The following EOMES variants were observed in gnomAD, a reference collection of about 807,000 sequenced individuals.
EOMES encodes eomesodermin.
A neutral mutation model predicts 61.0 loss-of-function variants in EOMES; 18 were observed. The observed-to-expected ratio is 0.30, with a 90% CI of 0.20 to 0.44. The LOEUF is 0.44. Among genes scored for constraint, EOMES ranks in the 20% least tolerant of loss-of-function variants. The pLI is 1.00. For synonymous variants in EOMES, 430 were observed against 394.0 expected (o/e 1.09, Z -1.08); for missense variants, 885 against 939.2 (o/e 0.94, Z 0.75).
Position 27,717,006 on chromosome 3 carries a change from A to G in EOMES, c.*64T>C, listed in dbSNP as rs2060573244. ...TTTTGGCAACCTAGGCAAAGAAGAC[A>G]ACAAAAAACACCACCAAGTCCATCT... On this transcript the variant is annotated 3_prime_UTR_variant, in exon 6 of 6. Transcript: ENST00000449599. This position sits in a 1 kb window ranked among gnomAD's most constrained non-coding sequence, Gnocchi z 4.5. 2 of 1,334,280 alleles carry G rather than the reference A, an allele frequency of 1.5e-6. No individual in the cohort carries two copies. The highest frequency in any genetic ancestry group is 1.0e-6 in the Non-Finnish European group (1 of 969,418). 82.7% of individuals were successfully genotyped at this position (1,334,280 alleles called of 1,614,324 possible). A position where few individuals can be genotyped will look rare whatever the true frequency, so the allele number is the denominator to read the frequency against.
At position 27,717,025 on chromosome 3, in the gene EOMES, T is replaced by C; in HGVS notation, c.*45A>G. 1 of 1,501,312 alleles carries C rather than the reference T, an allele frequency of 6.7e-7. No individual in the cohort carries two copies. Among genetic ancestry groups the C allele is most frequent in the Non-Finnish European group, 9.0e-7 (1 of 1,110,986 alleles). 93.0% of individuals were successfully genotyped at this position (1,501,312 alleles called of 1,614,324 possible). A position where few individuals can be genotyped will look rare whatever the true frequency, so the allele number is the denominator to read the frequency against. On this transcript the variant is annotated 3_prime_UTR_variant, in exon 6 of 6. Coordinates refer to ENST00000449599, the MANE Select transcript of EOMES (RefSeq NM_001278182.2). This position sits in a 1 kb window ranked among gnomAD's most constrained non-coding sequence, Gnocchi z 4.5. Reference sequence around the variant, plus strand: ...GAAGACAACAAAAAACACCACCAAGTCCATCTGCAAAAAGTTAGCTAATTT... The same window carrying C: ...GAAGACAACAAAAAACACCACCAAGCCCATCTGCAAAAAGTTAGCTAATTT...
chr3:27,718,533 A>T, intron 5 of EOMES, 54 bp downstream of exon 5: 2 of 1,139,720 alleles, frequency 1.8e-6, no homozygotes, highest in Non-Finnish European at 2.6e-6. Flanking sequence ...GTGCCTGTTG[A>T]TGTATGTCCT....
At position 27,717,657 on chromosome 3, in the gene EOMES, CA is replaced by C; in HGVS notation, c.1530del (p.Asn510LysfsTer41). On this transcript the variant is annotated frameshift_variant, in exon 6 of 6. Coordinates refer to ENST00000449599, the MANE Select transcript of EOMES (RefSeq NM_001278182.2). LOFTEE classifies it high-confidence loss of function. The surrounding 1 kb of genome is among the most constrained non-coding windows in gnomAD (Gnocchi z 4.5). Reference protein sequence around the residue: ...VNTLPQARYYNGERTVPQTNG... With the variant: ...VNTLPQARYYXGERTVPQTNG... ...TTGGTCTGTGGCACGGTTCTCTCGC[CA>C]TTATAATAGCGGGCTTGAGGTAAAG... 6.2e-7 allele frequency: 1 copy of C among 1,613,956 alleles called. No homozygotes were observed. The highest frequency in any genetic ancestry group is 8.5e-7 in the Non-Finnish European group (1 of 1,179,984).
In EOMES at chr3:27,722,042, C is replaced by A. The variant is rs1259384841; in HGVS notation, c.253G>T (p.Ala85Ser). The A allele has an allele frequency of 2.0e-6, 3 of 1,532,120 alleles. No individual in the cohort carries two copies. Among genetic ancestry groups the A allele is most frequent in the South Asian group, 1.2e-5 (1 of 82,374 alleles). The allele number at this position is 1,532,120 out of a possible 1,614,324, so 94.9% of individuals were successfully genotyped here. A position where few individuals can be genotyped will look rare whatever the true frequency, so the allele number is the denominator to read the frequency against. Residue 85 changes from alanine (A) to serine (S), a missense_variant, in exon 1 of 6, where the codon GCC becomes TCC. Physicochemically the swap from Ala to Ser is moderately conservative, Grantham distance 99. Coordinates refer to ENST00000449599, the MANE Select transcript of EOMES (RefSeq NM_001278182.2). ...GCAGCGCTGGCAAATGCGTCCCCGGCGTCGGTGTCACTAAGCATGGCCGCG... is the reference window on the plus strand; with the variant it reads ...GCAGCGCTGGCAAATGCGTCCCCGGAGTCGGTGTCACTAAGCATGGCCGCG... ...APAAMLSDTD[A>S]GDAFASAAAV...
Position 27,721,608 on chromosome 3 carries a change from G to A in EOMES, c.687C>T (p.Gly229=). 1 of 1,545,000 alleles carries A rather than the reference G, an allele frequency of 6.5e-7. No homozygotes were observed. The highest frequency in any genetic ancestry group is 1.4e-5 in the African/African-American group (1 of 73,334). ...GGSSGGGGGP[G]TYQYSQGAPL... is the part of the protein sequence containing the mutation. The stretch of plus-strand genomic sequence containing the variant: ...GAGCCCCCTGGCTGTACTGATAGGT[G>A]CCCGGGCCGCCGCCCCCGCCGCTGC... The change falls in exon 1 of 6, where the codon GGC becomes GGT. Residue 229 remains glycine (G), a synonymous_variant. Coordinates refer to ENST00000449599, the MANE Select transcript of EOMES (RefSeq NM_001278182.2). The surrounding 1 kb of genome is among the most constrained non-coding windows in gnomAD (Gnocchi z 7.4).
In EOMES at chr3:27,722,196, AGC is replaced by A. The variant is rs2060621834; in HGVS notation, c.97_98del (p.Ala33TrpfsTer48). On this transcript the variant is annotated frameshift_variant, in exon 1 of 6. Transcript: ENST00000449599. LOFTEE classifies it high-confidence loss of function. ...AGGGGGCCGCGCTGGGGAGGTGGCC[AGC>A]GCTCCCGCCGCTGCCGCCTCGCGCA... ...ESARGGSGGS[A>X]GHLPSAAPSP... 1 of 1,599,692 alleles carries A rather than the reference AGC, an allele frequency of 6.3e-7. No homozygotes were observed. Among genetic ancestry groups the A allele is most frequent in the Admixed American group, 1.7e-5 (1 of 57,962 alleles).
intron 1 of EOMES, 31 bp from the exon 2 acceptor site, chr3:27,720,356 A>G: frequency 6.2e-7 from 1 of 1,608,178 alleles, no homozygotes; most frequent in South Asian, 1.1e-5. Context: ...AGAAAAATCG[A>G]TTTTAATTGG....
chr3:27,719,242 G>T, intron 3 of EOMES, 118 bp downstream of exon 3: 1 of 1,058,212 alleles, frequency 9.4e-7, no homozygotes, highest in Non-Finnish European at 1.4e-6. Flanking sequence ...AGAAATAGGC[G>T]AGCAAACAGG....
intron 5 of EOMES, among the ~76,000 whole-genome samples, chr3:27,718,216 T>C (rs1437121257): frequency 6.6e-6 from 1 of 151,852 alleles, no homozygotes; most frequent in East Asian, 1.9e-4. Flanking sequence ...TTAGTTTCAG[T>C]TTTTTCTTAT....
At position 27,718,771 on chromosome 3, in the gene EOMES, C is replaced by A; in HGVS notation, c.1281G>T (p.Thr427=). 6.2e-7 allele frequency: 1 copy of A among 1,614,146 alleles called. No individual in the cohort carries two copies. The part of the protein sequence containing the change: ...SKTQTFTFSE[T]QFIAVTAYQN... ...GGTAGGCAGTCACTGCAATGAATTG[C>A]GTTTCTGAGAAGGTAAAAGTCTGGG... The change falls in exon 4 of 6, where the codon ACG becomes ACT. Residue 427 remains threonine, a synonymous_variant. Transcript: ENST00000449599.
intron 2 of EOMES, 101 bp from the exon 3 acceptor site, chr3:27,719,582 G>T: frequency 1.8e-6 from 2 of 1,087,432 alleles, no homozygotes; most frequent in Non-Finnish European, 2.7e-6. Context: ...AGATATAAGA[G>T]CTAGACTTAC....
rs757783360 is a variant in EOMES, at chr3:27,718,738, G to T, written c.1314C>A (p.Thr438=). 1 of 1,614,082 alleles carries T rather than the reference G, an allele frequency of 6.2e-7. No individual in the cohort carries two copies. Among genetic ancestry groups the T allele is most frequent in the Non-Finnish European group, 8.5e-7 (1 of 1,179,956 alleles). The change falls in exon 4 of 6, where the codon ACC becomes ACA. Residue 438 remains threonine (T), a synonymous_variant. Transcript: ENST00000449599. ...TTGAGATGTCTGGGACACTCACATCGGTGTTTTGGTAGGCAGTCACTGCAA... is the reference window on the plus strand; with the variant it reads ...TTGAGATGTCTGGGACACTCACATCTGTGTTTTGGTAGGCAGTCACTGCAA... ...QFIAVTAYQN[T]DITQLKIDHN... is the part of the protein sequence containing the mutation.
chr3:27,721,391 G>C lies in EOMES; in HGVS notation c.881+23C>G. 6.3e-7 allele frequency: 1 copy of C among 1,591,844 alleles called. No homozygotes were observed. Among genetic ancestry groups the C allele is most frequent in the Non-Finnish European group, 8.6e-7 (1 of 1,168,710 alleles). ...CGTCACCCTTTATCCCCGAACCCAG[G>C]GGCCCCTCCACGCTGCGCTCACCTG... is the stretch of plus-strand genomic sequence containing the variant. On this transcript the variant is annotated intron_variant, in intron 1 of 5. Transcript: ENST00000449599. This position sits in a 1 kb window ranked among gnomAD's most constrained non-coding sequence, Gnocchi z 7.4.
Position 27,722,010 on chromosome 3 carries a change from C to A in EOMES, c.285G>T (p.Val95=), listed in dbSNP as rs1414590515. 2 of 1,505,458 alleles carry A rather than the reference C, an allele frequency of 1.3e-6. No individual in the cohort carries two copies. Among genetic ancestry groups the A allele is most frequent in the Non-Finnish European group, 1.8e-6 (2 of 1,130,206 alleles). The allele number at this position is 1,505,458 out of a possible 1,614,324, so 93.3% of individuals were successfully genotyped here. A position where few individuals can be genotyped will look rare whatever the true frequency, so the allele number is the denominator to read the frequency against. Residue 95 remains valine (V), a synonymous_variant, in exon 1 of 6, where the codon GTG becomes GTT. Coordinates refer to ENST00000449599, the MANE Select transcript of EOMES (RefSeq NM_001278182.2). ...AGDAFASAAA[V]AKPGPPDGRK... ...GGCCGTCCGGGGGCCCCGGCTTGGC[C>A]ACTGCCGCAGCGCTGGCAAATGCGT...
chr3:27,717,265 G>A lies in EOMES; in HGVS notation c.1923C>T (p.Pro641=), dbSNP rs6783101. The A allele has an allele frequency of 6.9e-3, 11,188 of 1,613,452 alleles. 652 individuals carry two copies. In the African/African-American group the frequency reaches 0.13, roughly 18 times the overall value. ...EEIGSSWIET[P]PSIKSLDSND... ...TGGAATCTAGAGATTTGATGGAAGG[G>A]GGTGTCTCTATCCAAGAAGAGCCAA... Residue 641 remains proline (P), a synonymous_variant, in exon 6 of 6, where the codon CCC becomes CCT. Transcript: ENST00000449599. The surrounding 1 kb of genome is among the most constrained non-coding windows in gnomAD (Gnocchi z 4.5).
Position 27,717,891 on chromosome 3 carries a change from G to C in EOMES, c.1380-83C>G. The C allele has an allele frequency of 5.7e-6, 6 of 1,051,736 alleles. No individual in the cohort carries two copies. Among genetic ancestry groups the C allele is most frequent in the Non-Finnish European group, 8.0e-6 (6 of 751,256 alleles). 65.2% of individuals were successfully genotyped at this position (1,051,736 alleles called of 1,614,324 possible). ...CAAACCACCTCCCAGAAATGAAAAA[G>C]GCTTGTGTTGGTTATCTACACCGAA... On this transcript the variant is annotated intron_variant, in intron 5 of 5. Transcript: ENST00000449599. The surrounding 1 kb of genome is among the most constrained non-coding windows in gnomAD (Gnocchi z 4.5).
chr3:27,721,875 G>T lies in EOMES; in HGVS notation c.420C>A (p.Ser140Arg). The change falls in exon 1 of 6, where the codon AGC becomes AGA. Residue 140 changes from serine (S) to arginine (R), a missense_variant. Transcript: ENST00000449599. The surrounding 1 kb of genome is among the most constrained non-coding windows in gnomAD (Gnocchi z 7.4). ...GGGACTGGAGGTAGTACCGCTCGGA[G>T]CTCAGGCTGTCCATGGAGTAGCGCG... is the stretch of plus-strand genomic sequence containing the variant. ...ATARYSMDSL[S>R]SERYYLQSPG... 1 of 1,495,332 alleles carries T rather than the reference G, an allele frequency of 6.7e-7. No individual in the cohort carries two copies. The highest frequency in any genetic ancestry group is 8.9e-7 in the Non-Finnish European group (1 of 1,127,682). The allele number at this position is 1,495,332 out of a possible 1,614,324, so 92.6% of individuals were successfully genotyped here.
At chr3:27,719,241 C>A in intron 3 of EOMES, 119 bp downstream of exon 3, 2 of 1,047,508 alleles carry the variant, frequency 1.9e-6, no homozygotes, top group Non-Finnish European at 2.8e-6. Flanking sequence ...TAGAAATAGG[C>A]GAGCAAACAG....
chr3:27,722,336 C>T, upstream of EOMES: 1 of 1,465,328 alleles, frequency 6.8e-7, no homozygotes, highest in South Asian at 1.4e-5. Context: ...TTCCTCTCCT[C>T]CGGTGGCCTT....
Sources: gnomAD v4.1 joint callset for allele counts (sites outside exome capture counted in the v4.1 genomes callset) on GRCh38, gnomAD v4.1.1 for gene constraint, Gnocchi (gnomAD v3.1) non-coding constraint, MANE v1.5 for transcripts, NCBI Gene and HGNC (gene_info 2026-07-23, HGNC 2026-07-21) for gene names.